The following CDK19 variants were observed in gnomAD, a reference collection of about 807,000 sequenced individuals.
CDK19 encodes the protein cyclin dependent kinase 19.
In CDK19, 20 loss-of-function variants were observed where a neutral mutation model predicts 68.3. The observed-to-expected ratio is 0.29, with a 90% CI of 0.21 to 0.43. CDK19 has a LOEUF of 0.43. Among genes scored for constraint, CDK19 ranks in the 20% least tolerant of loss-of-function variants. The pLI, the probability that CDK19 is intolerant of heterozygous loss-of-function variation, is 1.00. For missense variants in CDK19, 339 were observed against 623.5 expected (o/e 0.54, Z 4.86); for synonymous variants, 221 against 222.8 (o/e 0.99, Z 0.07).
At chr6:110,703,230 T>C (rs1041906538) in intron 2 of CDK19, among the ~76,000 whole-genome samples, 11 of 152,038 alleles carry the variant, frequency 7.2e-5, no homozygotes, top group Admixed American at 2.6e-4. Context: ...ACATCATAGA[T>C]TATGAGCAAG....
At chr6:110,749,438 G>A (rs956477575) in intron 1 of CDK19, among the ~76,000 whole-genome samples, 1 of 151,802 alleles carries the variant, frequency 6.6e-6, no homozygotes, top group African/African-American at 2.4e-5. Flanking sequence ...TGGGCTCACT[G>A]CAGTGTCAAC....
In CDK19 at chr6:110,656,202, A is replaced by T. The variant is rs146853446; in HGVS notation, c.456+11232T>A. Among the ~76,000 whole-genome samples the T allele has an allele frequency of 1.3e-3, 198 of 152,204 alleles. 1 individual carries two copies. Among genetic ancestry groups the T allele is most frequent in the African/African-American group, 4.5e-3 (186 of 41,514 alleles). ...GTTTGTTGGCTCTTCCCCACCATGT[A>T]CTCGTTGGGGGAAGGGATCGTATTC... On this transcript the variant is annotated intron_variant, in intron 4 of 12. Coordinates refer to ENST00000368911, the MANE Select transcript of CDK19 (RefSeq NM_015076.5).
At chr6:110,735,133 G>C (rs1380695558) in intron 2 of CDK19, among the ~76,000 whole-genome samples, 1 of 149,658 alleles carries the variant, frequency 6.7e-6, no homozygotes, top group Non-Finnish European at 1.5e-5. Flanking sequence ...TATTTAATGA[G>C]ACTGGGTCTT....
intron 2 of CDK19, among the ~76,000 whole-genome samples, chr6:110,673,304 A>G (rs1383267261): frequency 6.6e-6 from 1 of 152,144 alleles, no homozygotes; most frequent in Non-Finnish European, 1.5e-5. Flanking sequence ...GCTGAATACT[A>G]TTACATCGTA....
chr6:110,609,986 A>G lies in CDK19; in HGVS notation c.*4549T>C, dbSNP rs1288018781. ...AAAAATCCACACAGAAGCAAAGTCA[A>G]TTAAATTTTATTTCAACCAAGAATA... On this transcript the variant is annotated 3_prime_UTR_variant, in exon 13 of 13. Coordinates refer to ENST00000368911, the MANE Select transcript of CDK19 (RefSeq NM_015076.5). The G allele has an allele frequency of 3.3e-5, 5 of 152,218 alleles. No homozygotes were observed. The highest frequency in any genetic ancestry group is 9.7e-5 in the African/African-American group (4 of 41,450). The allele number at this position is 152,218 out of a possible 1,614,324, so 9.4% of individuals were successfully genotyped here.
At chr6:110,771,268 C>T (rs1016636940) in intron 1 of CDK19, among the ~76,000 whole-genome samples, 7 of 152,228 alleles carry the variant, frequency 4.6e-5, no homozygotes, top group Non-Finnish European at 7.3e-5. Flanking sequence ...TCCAGCATTT[C>T]CATACATCTT....
intron 5 of CDK19, among the ~76,000 whole-genome samples, chr6:110,632,536 GC>G (rs1779504072): frequency 6.6e-6 from 1 of 152,154 alleles, no homozygotes; most frequent in Admixed American, 6.5e-5. Flanking sequence ...TTAGAGACCA[GC>G]CTGCACAACA....
At chr6:110,810,352 T>C (rs1247793900) in intron 1 of CDK19, among the ~76,000 whole-genome samples, 1 of 152,166 alleles carries the variant, frequency 6.6e-6, no homozygotes, top group Non-Finnish European at 1.5e-5. Flanking sequence ...ACATGATTGA[T>C]TTTATAGGAA....
intron 4 of CDK19, among the ~76,000 whole-genome samples, chr6:110,658,485 TAACA>T (rs1199919575): frequency 2.0e-5 from 3 of 152,170 alleles, no homozygotes; most frequent in Admixed American, 2.0e-4. Flanking sequence ...CAAATAAAAA[TAACA>T]AATAATTAAG....
chr6:110,719,972 G>GCCCCCCCCCCCCCCCCCCCCCCC (rs1167384607), intron 2 of CDK19, among the ~76,000 whole-genome samples: 55 of 45,548 alleles, frequency 1.2e-3, no homozygotes, highest in Non-Finnish European at 1.6e-3. Context: ...CTTGTGATCC[G>GCCCCCCCCCCCCCCCCCCCCCCC]CCCCCCCCCC....
At chr6:110,631,936 T>C (rs1490981864) in intron 6 of CDK19, 94 bp downstream of exon 6, 4 of 1,180,598 alleles carry the variant, frequency 3.4e-6, no homozygotes, top group African/African-American at 3.1e-5. Context: ...CAAAAATGTA[T>C]AAAATGGTTT....
intron 2 of CDK19, among the ~76,000 whole-genome samples, chr6:110,723,144 C>CAA (rs1562233880): frequency 7.4e-6 from 1 of 135,628 alleles, no homozygotes; most frequent in Admixed American, 8.0e-5. Context: ...TCAAAAAAAA[C>CAA]AAAAAACAAA....
In CDK19 at chr6:110,612,429, A is replaced by T. The variant is rs1778076173; in HGVS notation, c.*2106T>A. 1 of 152,684 alleles carries T rather than the reference A, an allele frequency of 6.5e-6. No homozygotes were observed. The highest frequency in any genetic ancestry group is 2.4e-5 in the African/African-American group (1 of 41,480). The allele number at this position is 152,684 out of a possible 1,614,324, so 9.5% of individuals were successfully genotyped here. A position where few individuals can be genotyped will look rare whatever the true frequency, so the allele number is the denominator to read the frequency against. On this transcript the variant is annotated 3_prime_UTR_variant, in exon 13 of 13. Transcript: ENST00000368911. ...GGATAGTAACTACCCAAGTGGGTTT[A>T]GAAGTAAACAAAAAGACCTTCATAT... is the stretch of plus-strand genomic sequence containing the variant.
intron 1 of CDK19, among the ~76,000 whole-genome samples, chr6:110,778,912 A>G (rs1334069460): frequency 6.6e-6 from 1 of 152,118 alleles, no homozygotes; most frequent in Admixed American, 6.6e-5. Flanking sequence ...AGGGTAATGG[A>G]AGCTGTGCCA....
intron 1 of CDK19, among the ~76,000 whole-genome samples, chr6:110,749,452 A>G (rs1019564309): frequency 6.6e-6 from 1 of 152,012 alleles, no homozygotes; most frequent in Non-Finnish European, 1.5e-5. Flanking sequence ...TGTCAACTTC[A>G]TGGGCTCAGA....
intron 1 of CDK19, among the ~76,000 whole-genome samples, chr6:110,793,899 C>T (rs1781758127): frequency 6.6e-6 from 1 of 152,190 alleles, no homozygotes. Context: ...ACAACTGCAC[C>T]AGCCCAGCAT....
At chr6:110,664,841 A>G (rs939183943) in intron 4 of CDK19, among the ~76,000 whole-genome samples, 20 of 152,226 alleles carry the variant, frequency 1.3e-4, no homozygotes, top group African/African-American at 4.6e-4. Flanking sequence ...TATGAGGGTA[A>G]GTTTTAATTA....
At chr6:110,724,263 G>A (rs1302210177) in intron 2 of CDK19, among the ~76,000 whole-genome samples, 1 of 152,184 alleles carries the variant, frequency 6.6e-6, no homozygotes, top group African/African-American at 2.4e-5. Context: ...GCTGAGGCAG[G>A]AGAATCACTT....
intron 1 of CDK19, among the ~76,000 whole-genome samples, chr6:110,759,420 A>ATATAT (rs1426687992): frequency 1.2e-4 from 14 of 116,102 alleles, no homozygotes; most frequent in African/African-American, 5.1e-4. Flanking sequence ...AAAAAAAAAA[A>ATATAT]AAAAAAAAAT....
Sources: gnomAD v4.1 joint callset for allele counts (sites outside exome capture counted in the v4.1 genomes callset) on GRCh38, gnomAD v4.1.1 for gene constraint, MANE v1.5 for transcripts, NCBI Gene and HGNC (gene_info 2026-07-23, HGNC 2026-07-21) for gene names.